Variants in SCAMP1 observed in about 807,000 individuals in gnomAD.
SCAMP1 encodes secretory carrier-associated membrane protein 1.
A neutral mutation model predicts 41.8 loss-of-function variants in SCAMP1; 15 were observed. That is an observed-to-expected ratio of 0.36 (90% CI 0.24 to 0.55). The LOEUF is 0.55. SCAMP1 is among the 20% of genes least tolerant of loss of function. The pLI, the probability that SCAMP1 is intolerant of heterozygous loss-of-function variation, is 0.86. For missense variants in SCAMP1, 341 were observed against 412.6 expected (o/e 0.83, Z 1.50); for synonymous variants, 135 against 136.8 (o/e 0.99, Z 0.09).
chr5:78,439,546 ACT>A (rs1752862055), intron 6 of SCAMP1, among the ~76,000 whole-genome samples: 1 of 151,952 alleles, frequency 6.6e-6, no homozygotes, highest in African/African-American at 2.4e-5. Flanking sequence ...ATTGGCCCCT[ACT>A]CTCTTCTGGC....
chr5:78,377,694 A>T (rs920185880), intron 1 of SCAMP1, among the ~76,000 whole-genome samples: 1 of 152,154 alleles, frequency 6.6e-6, no homozygotes, highest in Non-Finnish European at 1.5e-5. Flanking sequence ...TACTTTTTAC[A>T]ATTCTCAGTT....
intron 7 of SCAMP1, among the ~76,000 whole-genome samples, chr5:78,456,399 G>C (rs1172028638): frequency 6.6e-6 from 1 of 151,974 alleles, no homozygotes; most frequent in African/African-American, 2.4e-5. Context: ...AAATCTCTCA[G>C]CATTTGCTTG....
chr5:78,382,465 G>A (rs536428653), intron 1 of SCAMP1, among the ~76,000 whole-genome samples: 2 of 152,026 alleles, frequency 1.3e-5, no homozygotes, highest in African/African-American at 4.8e-5. Flanking sequence ...GTGGTGTTTG[G>A]TTACATGAAT....
In SCAMP1 at chr5:78,472,922, C is replaced by G. The variant is rs114081145; in HGVS notation, c.853-2582C>G. 6.6e-3 allele frequency among the ~76,000 whole-genome samples: 1,008 copies of G among 152,190 alleles called. 8 individuals carry two copies. The highest frequency in any genetic ancestry group is 0.023 in the African/African-American group (957 of 41,526). ...AGAGACAGACAAGTGAATCCAATTGCATTGCTCTGGTTTGGTCTAGTAAGT... is the reference window on the plus strand; with the variant it reads ...AGAGACAGACAAGTGAATCCAATTGGATTGCTCTGGTTTGGTCTAGTAAGT... On this transcript the variant is annotated intron_variant, in intron 8 of 8. Coordinates refer to ENST00000621999, the MANE Select transcript of SCAMP1 (RefSeq NM_004866.6).
intron 7 of SCAMP1, among the ~76,000 whole-genome samples, chr5:78,451,079 G>T (rs1398261718): frequency 6.6e-6 from 1 of 152,102 alleles, no homozygotes; most frequent in Non-Finnish European, 1.5e-5. Flanking sequence ...TAATTCTCGT[G>T]AAAGTGAGGT....
chr5:78,401,618 G>A (rs982233994), intron 2 of SCAMP1, among the ~76,000 whole-genome samples: 3 of 152,168 alleles, frequency 2.0e-5, no homozygotes, highest in Non-Finnish European at 2.9e-5. Flanking sequence ...TGTGGGCATA[G>A]AGTTATTTAT....
In SCAMP1 at chr5:78,480,197, C is replaced by T. The variant is rs1442292250; in HGVS notation, c.*4529C>T. 1.3e-5 allele frequency among the ~76,000 whole-genome samples: 2 copies of T among 152,184 alleles called. No individual in the cohort carries two copies. The highest frequency in any genetic ancestry group is 4.8e-5 in the African/African-American group (2 of 41,436). On this transcript the variant is annotated 3_prime_UTR_variant, in exon 9 of 9. Coordinates refer to ENST00000621999, the MANE Select transcript of SCAMP1 (RefSeq NM_004866.6). ...TCAGTTCATATCTTTCTGGGCTTGA[C>T]ATGGCTGATGGTGTAGCTGAAACCC...
At chr5:78,452,348 C>A (rs1236752985) in intron 7 of SCAMP1, among the ~76,000 whole-genome samples, 3 of 131,740 alleles carry the variant, frequency 2.3e-5, no homozygotes, top group Non-Finnish European at 4.8e-5. Context: ...CTCCCCCCAC[C>A]CCACGACAGT....
chr5:78,413,008 A>G (rs1752118683), intron 2 of SCAMP1, among the ~76,000 whole-genome samples: 1 of 152,228 alleles, frequency 6.6e-6, no homozygotes, highest in Admixed American at 6.5e-5. Context: ...TCTAGAGTTC[A>G]TATTCTAGAA....
intron 7 of SCAMP1, 102 bp downstream of exon 7, chr5:78,450,136 TAAATA>T (rs1753183305): frequency 1.5e-6 from 1 of 661,778 alleles, no homozygotes; most frequent in Non-Finnish European, 2.6e-6. Context: ...TTAGAAAAAT[TAAATA>T]AAAAGCAAAA....
In SCAMP1 at chr5:78,415,583, A is replaced by G; in HGVS notation, c.199A>G (p.Thr67Ala). The change falls in exon 3 of 9, where the codon ACA becomes GCA. Residue 67 changes from threonine to alanine, a missense_variant. Thr to Ala is a moderately conservative substitution (Grantham distance 58). Transcript: ENST00000621999. Reference sequence around the variant, plus strand: ...TACACAACCAGCAATAATGAAACCAACAGAGGAACATCCAGCTTATACACA... The same window carrying G: ...TACACAACCAGCAATAATGAAACCAGCAGAGGAACATCCAGCTTATACACA... ...PNTQPAIMKP[T>A]EEHPAYTQIA... 1.2e-6 allele frequency: 2 copies of G among 1,606,256 alleles called. No individual in the cohort carries two copies. The highest frequency in any genetic ancestry group is 1.7e-6 in the Non-Finnish European group (2 of 1,176,030).
chr5:78,373,479 C>T (rs1221772778), intron 1 of SCAMP1, among the ~76,000 whole-genome samples: 1 of 151,892 alleles, frequency 6.6e-6, no homozygotes, highest in Non-Finnish European at 1.5e-5. Flanking sequence ...AGGAAAGTTG[C>T]CACATGGGGA....
At chr5:78,407,152 T>G (rs1426045431) in intron 2 of SCAMP1, among the ~76,000 whole-genome samples, 4 of 152,250 alleles carry the variant, frequency 2.6e-5, no homozygotes, top group African/African-American at 4.8e-5. Context: ...CCCAGTGAGA[T>G]AGAGAGGTCT....
intron 7 of SCAMP1, among the ~76,000 whole-genome samples, chr5:78,454,024 A>G (rs916675601): frequency 2.6e-5 from 4 of 152,200 alleles, no homozygotes; most frequent in Non-Finnish European, 2.9e-5. Flanking sequence ...ATTTTTGCAC[A>G]TTGATTTTGT....
intron 6 of SCAMP1, among the ~76,000 whole-genome samples, chr5:78,431,893 C>T (rs1225881772): frequency 2.0e-5 from 3 of 152,016 alleles, no homozygotes; most frequent in African/African-American, 7.2e-5. Flanking sequence ...TTGATACAGG[C>T]ATGCATTGTG....
chr5:78,424,774 C>T (rs1214209744), intron 6 of SCAMP1, among the ~76,000 whole-genome samples: 2 of 152,150 alleles, frequency 1.3e-5, no homozygotes, highest in African/African-American at 2.4e-5. Flanking sequence ...GAATTTTGTA[C>T]TTCCACAAAT....
chr5:78,420,173 A>T (rs761830832), intron 5 of SCAMP1, among the ~76,000 whole-genome samples: 4 of 152,170 alleles, frequency 2.6e-5, no homozygotes, highest in Non-Finnish European at 4.4e-5. Flanking sequence ...CTCGTGCCTC[A>T]GCCTCCTGAG....
chr5:78,364,766 G>A (rs1750750666), intron 1 of SCAMP1, among the ~76,000 whole-genome samples: 1 of 151,776 alleles, frequency 6.6e-6, no homozygotes, highest in Non-Finnish European at 1.5e-5. Context: ...ACCTTGGAAA[G>A]TTACTTAACC....
intron 1 of SCAMP1, among the ~76,000 whole-genome samples, chr5:78,370,190 T>C (rs1415377130): frequency 1.3e-5 from 2 of 152,212 alleles, no homozygotes; most frequent in East Asian, 1.9e-4. Flanking sequence ...AAAGTAACAT[T>C]TTCTTGCCAA....
Sources: allele counts gnomAD v4.1 joint callset (sites outside exome capture counted in the v4.1 genomes callset), GRCh38; gene constraint gnomAD v4.1.1; transcripts MANE v1.5; gene names NCBI Gene and HGNC (gene_info 2026-07-23, HGNC 2026-07-21).